The following DGKB variants were observed in gnomAD, a reference collection of about 807,000 sequenced individuals.
The protein encoded by DGKB is diacylglycerol kinase beta.
In DGKB, 67 loss-of-function variants were observed where a neutral mutation model predicts 114.3. That is an observed-to-expected ratio of 0.59 (90% CI 0.48 to 0.72). The LOEUF is 0.72. DGKB is among the 30% of genes least tolerant of loss of function. The pLI is 0.00. For synonymous variants in DGKB, 398 were observed against 323.1 expected (o/e 1.23, Z -2.49); for missense variants, 907 against 975.2 (o/e 0.93, Z 0.93).
intron 1 of DGKB, among the ~76,000 whole-genome samples, chr7:14,930,872 G>A (rs920497081): frequency 1.3e-5 from 2 of 151,950 alleles, no homozygotes; most frequent in African/African-American, 2.4e-5. Context: ...TATTTTGAGG[G>A]ATGTTTCTTC....
intron 12 of DGKB, among the ~76,000 whole-genome samples, chr7:14,674,466 C>A (rs539490438): frequency 2.0e-5 from 3 of 151,230 alleles, no homozygotes; most frequent in Non-Finnish European, 2.9e-5. Flanking sequence ...AATTAACTTT[C>A]TTAGAATCTG....
At chr7:14,760,138 T>G (rs750369800) in intron 2 of DGKB, among the ~76,000 whole-genome samples, 60 of 152,206 alleles carry the variant, frequency 3.9e-4, no homozygotes, top group Non-Finnish European at 6.9e-4. Context: ...CTCTGGGGGG[T>G]GTGTGTGTAC....
intron 13 of DGKB, among the ~76,000 whole-genome samples, chr7:14,636,292 A>T (rs1326651117): frequency 1.3e-5 from 2 of 151,772 alleles, no homozygotes. Context: ...TTAGAATATA[A>T]TTACCCACAG....
chr7:14,964,490 A>T (rs1356676634), intron 1 of DGKB, among the ~76,000 whole-genome samples: 1 of 152,196 alleles, frequency 6.6e-6, no homozygotes, highest in Non-Finnish European at 1.5e-5. Context: ...ACAGAGCTAG[A>T]CGTTGTCTCA....
chr7:14,554,156 G>A (rs1220507965), intron 20 of DGKB, among the ~76,000 whole-genome samples: 1 of 152,174 alleles, frequency 6.6e-6, no homozygotes, highest in Admixed American at 6.5e-5. Flanking sequence ...ACAGGTGTGA[G>A]CCACCACACC....
At position 14,405,228 on chromosome 7, in the gene DGKB, C is replaced by G. The variant is rs902313595; in HGVS notation, c.1836-59837G>C. 2.0e-5 allele frequency among the ~76,000 whole-genome samples: 3 copies of G among 151,882 alleles called. 1 individual carries two copies. In the East Asian group the frequency reaches 5.8e-4, roughly 29 times the overall value. On this transcript the variant is annotated intron_variant, in intron 21 of 25. Coordinates refer to ENST00000402815, the MANE Select transcript of DGKB (RefSeq NM_001350709.2). ...AATGGGTAATATTCTTCTACATAAC[C>G]TTGTCAGTATCATTCTCATGATTTT... is the stretch of plus-strand genomic sequence containing the variant.
intron 2 of DGKB, among the ~76,000 whole-genome samples, chr7:14,795,542 C>T (rs990124213): frequency 2.7e-4 from 41 of 152,142 alleles, no homozygotes; most frequent in African/African-American, 9.4e-4. Context: ...GGAGCCCTGT[C>T]ATCCTTAAAG....
intron 23 of DGKB, among the ~76,000 whole-genome samples, chr7:14,208,504 G>C (rs565697190): frequency 6.6e-6 from 1 of 152,076 alleles, no homozygotes; most frequent in South Asian, 2.1e-4. Flanking sequence ...TGGGTTGCAA[G>C]GGATTGTAAA....
chr7:14,609,362 CTT>C (rs1402470404), intron 16 of DGKB, among the ~76,000 whole-genome samples: 4 of 152,078 alleles, frequency 2.6e-5, no homozygotes, highest in Admixed American at 6.6e-5. Flanking sequence ...AAACTGGACT[CTT>C]TTCTTTCACC....
chr7:14,809,175 C>T (rs1469802824), intron 2 of DGKB, among the ~76,000 whole-genome samples: 2 of 151,890 alleles, frequency 1.3e-5, no homozygotes, highest in African/African-American at 4.8e-5. Flanking sequence ...AAATTCTATC[C>T]CGAAATTTAA....
At chr7:14,282,700 G>T (rs1424670744) in intron 23 of DGKB, among the ~76,000 whole-genome samples, 2 of 151,740 alleles carry the variant, frequency 1.3e-5, no homozygotes, top group Non-Finnish European at 2.9e-5. Flanking sequence ...ATGCAAGGCA[G>T]GTTCAATATA....
chr7:14,270,048 C>CAAA lies in DGKB; in HGVS notation c.2122+68464_2122+68466dup, dbSNP rs397889901. Among the ~76,000 whole-genome samples the CAAA allele has an allele frequency of 4.3e-3, 225 of 52,786 alleles. 5 individuals carry two copies. Among genetic ancestry groups the CAAA allele is most frequent in the African/African-American group, 0.012 (157 of 13,488 alleles). The allele number at this position is 52,786 out of a possible 152,430, so 34.6% of individuals were successfully genotyped here. A position where few individuals can be genotyped will look rare whatever the true frequency, so the allele number is the denominator to read the frequency against. Reference sequence around the variant, plus strand: ...TAAGTTTATTATAAGGCTTTTTTTGCAAAAAAAAAAAAAAAAAAAAAAAAA... The same window carrying CAAA: ...TAAGTTTATTATAAGGCTTTTTTTGCAAAAAAAAAAAAAAAAAAAAAAAAAAAA... On this transcript the variant is annotated intron_variant, in intron 23 of 25. Coordinates refer to ENST00000402815, the MANE Select transcript of DGKB (RefSeq NM_001350709.2).
chr7:14,522,125 G>C (rs1026759304), intron 20 of DGKB, among the ~76,000 whole-genome samples: 2 of 152,044 alleles, frequency 1.3e-5, no homozygotes, highest in Non-Finnish European at 2.9e-5. Context: ...TTACCACCTT[G>C]GTTATTAAGT....
intron 22 of DGKB, among the ~76,000 whole-genome samples, chr7:14,339,462 C>T (rs192698033): frequency 6.6e-6 from 1 of 151,862 alleles, no homozygotes; most frequent in Admixed American, 6.6e-5. Flanking sequence ...GGTTAATCAG[C>T]CCAATTTTTC....
chr7:14,487,386 C>T lies in DGKB; in HGVS notation c.1771-9161G>A, dbSNP rs186282785. ...ACTAGTAAAGTGGTTTTAAAAAAGC[C>T]AAGATGAATCTAGAATAGGACCAAT... On this transcript the variant is annotated intron_variant, in intron 20 of 25. Coordinates refer to ENST00000402815, the MANE Select transcript of DGKB (RefSeq NM_001350709.2). Among the ~76,000 whole-genome samples the T allele has an allele frequency of 5.3e-5, 8 of 152,038 alleles. No individual in the cohort carries two copies. In the East Asian group the frequency reaches 1.6e-3, roughly 29 times the overall value.
At chr7:14,149,331 A>C in intron 25 of DGKB, 93 bp from the exon 26 acceptor site, 1 of 865,628 alleles carries the variant, frequency 1.2e-6, no homozygotes, top group South Asian at 1.7e-5. Flanking sequence ...TAAGGTTAAT[A>C]ATATTTCATG....
intron 20 of DGKB, among the ~76,000 whole-genome samples, chr7:14,517,345 A>T (rs1185553134): frequency 6.6e-6 from 1 of 152,142 alleles, no homozygotes; most frequent in Non-Finnish European, 1.5e-5. Context: ...ACCTAAAACT[A>T]TAAAAACCAT....
Position 14,545,969 on chromosome 7 carries a change from C to T in DGKB, c.1770+28243G>A, listed in dbSNP as rs556994108. Among the ~76,000 whole-genome samples, 4 of 152,256 alleles carry T rather than the reference C, an allele frequency of 2.6e-5. No homozygotes were observed. The South Asian group carries it at 8.3e-4, about 32-fold the overall frequency. ...AAAGTTAACAATCTTGTTAAGGGAA[C>T]GAGAGTATTGGCTGTCGTGTAGAGA... On this transcript the variant is annotated intron_variant, in intron 20 of 25. Coordinates refer to ENST00000402815, the MANE Select transcript of DGKB (RefSeq NM_001350709.2).
At chr7:14,836,229 C>T (rs944074970) in intron 2 of DGKB, among the ~76,000 whole-genome samples, 6 of 152,186 alleles carry the variant, frequency 3.9e-5, no homozygotes, top group Non-Finnish European at 8.8e-5. Context: ...ACACCAGGTC[C>T]AAACATTATG....
Sources: allele counts gnomAD v4.1 joint callset (sites outside exome capture counted in the v4.1 genomes callset), GRCh38; gene constraint gnomAD v4.1.1; transcripts MANE v1.5; gene names NCBI Gene and HGNC (gene_info 2026-07-23, HGNC 2026-07-21).